CETP: variants seen among roughly 807,000 people sequenced by gnomAD.
CETP encodes BPI fold containing family F.
CETP carries 56 observed loss-of-function variants against 66.5 expected under a neutral mutation model. The ratio of observed to expected loss-of-function variants is 0.84; its 90% CI spans 0.68 to 1.05. The LOEUF (loss-of-function observed/expected upper bound fraction) is 1.05. CETP is among the 50% of genes least tolerant of loss of function. The pLI is 0.00. For missense variants in CETP, 612 were observed against 609.6 expected (o/e 1.00, Z -0.04); for synonymous variants, 251 against 245.7 (o/e 1.02, Z -0.20).
chr16:56,975,617 T>C (rs2056143979), intron 10 of CETP, among the ~76,000 whole-genome samples: 1 of 152,180 alleles, frequency 6.6e-6, no homozygotes, highest in East Asian at 1.9e-4. Context: ...CTATGCCCAG[T>C]GGCAATGATG....
At chr16:56,975,254 TTA>T in intron 10 of CETP, 103 bp downstream of exon 10, 1 of 987,582 alleles carries the variant, frequency 1.0e-6, no homozygotes, top group Non-Finnish European at 1.6e-6. Context: ...ATGGCAACAA[TTA>T]TAACAGCGAA....
chr16:56,978,515 CT>C (rs2056166443), intron 11 of CETP, among the ~76,000 whole-genome samples: 1 of 152,142 alleles, frequency 6.6e-6, no homozygotes, highest in East Asian at 1.9e-4. Context: ...GGGTCTCACT[CT>C]GTCATCCAGG....
At chr16:56,981,456 C>G (rs1216197410) in intron 12 of CETP, among the ~76,000 whole-genome samples, 191 bp from the exon 13 acceptor site, 1 of 152,104 alleles carries the variant, frequency 6.6e-6, no homozygotes, top group Non-Finnish European at 1.5e-5. Context: ...AGGAGGAGAG[C>G]GCTGCCCGAG....
intron 2 of CETP, among the ~76,000 whole-genome samples, chr16:56,965,502 C>T (rs563854547): frequency 2.8e-4 from 42 of 152,202 alleles, no homozygotes; most frequent in Admixed American, 1.2e-3. Context: ...TGGGATGGAC[C>T]CAGGATCAAA....
chr16:56,973,929 G>A (rs193207170), intron 9 of CETP, among the ~76,000 whole-genome samples: 8 of 152,300 alleles, frequency 5.3e-5, no homozygotes, highest in South Asian at 4.1e-4. Flanking sequence ...TGCATGCACC[G>A]GTAATCAGAA....
intron 6 of CETP, 71 bp downstream of exon 6, chr16:56,971,173 C>G: frequency 6.4e-7 from 1 of 1,562,942 alleles, no homozygotes; most frequent in South Asian, 1.1e-5. Context: ...TCCTCCCTGC[C>G]TTTCCCTGAG....
In CETP at chr16:56,979,002, TTTTTAG is replaced by T. The variant is rs1378369238; in HGVS notation, c.1146+749_1146+754del. 2.0e-5 allele frequency among the ~76,000 whole-genome samples: 3 copies of T among 152,004 alleles called. No individual in the cohort carries two copies. The East Asian group carries it at 5.8e-4, about 29-fold the overall frequency. On this transcript the variant is annotated intron_variant, in intron 11 of 15. Transcript: ENST00000200676. The stretch of plus-strand genomic sequence containing the variant: ...TACCACGCCTGACTAATTTTTTGTA[TTTTTAG>T]TAGAGACAGGGTTTCGCTATGTGGG...
rs947349724 is a variant in CETP at position 56,981,573 on chromosome 16, G to C, written c.1215-74G>C. 32 of 1,520,494 alleles carry C rather than the reference G, an allele frequency of 2.1e-5. No individual in the cohort carries two copies. The African/African-American group carries it at 4.0e-4, about 19-fold the overall frequency. 94.2% of individuals were successfully genotyped at this position (1,520,494 alleles called of 1,614,324 possible). ...ACAGAAGCACTGGCTGCTATTCTTA[G>C]AGTTTCTTTCCCAGGGGATGTTACA... On this transcript the variant is annotated intron_variant, in intron 12 of 15. Coordinates refer to ENST00000200676, the MANE Select transcript of CETP (RefSeq NM_000078.3).
chr16:56,972,198 G>A, intron 8 of CETP, 115 bp downstream of exon 8: 1 of 763,150 alleles, frequency 1.3e-6, no homozygotes, highest in South Asian at 1.5e-5. Context: ...AAGAGTCCTG[G>A]GGCGCTCCTC....
intron 1 of CETP, among the ~76,000 whole-genome samples, chr16:56,962,631 C>T (rs998488498): frequency 2.6e-5 from 4 of 152,100 alleles, no homozygotes; most frequent in Admixed American, 1.3e-4. Context: ...AATAGAGTAT[C>T]GCCAAGTTCA....
At chr16:56,964,629 A>C (rs1484069711) in intron 2 of CETP, among the ~76,000 whole-genome samples, 1 of 152,164 alleles carries the variant, frequency 6.6e-6, no homozygotes, top group Non-Finnish European at 1.5e-5. Context: ...GCCCTGCTAA[A>C]CACGCTCCCC....
At position 56,971,031 on chromosome 16, in the gene CETP, A is replaced by G; in HGVS notation, c.528-2A>G. ...GCTCATTGTGGTGCTTGCTGCCTTC[A>G]GGCCTGGGTGGATCAAGCAGCTGTT... is the stretch of plus-strand genomic sequence containing the variant. On this transcript the variant is annotated splice_acceptor_variant, in intron 5 of 15. Coordinates refer to ENST00000200676, the MANE Select transcript of CETP (RefSeq NM_000078.3). LOFTEE classifies it high-confidence loss of function. 6.2e-7 allele frequency: 1 copy of G among 1,614,142 alleles called. No individual in the cohort carries two copies. Among genetic ancestry groups the G allele is most frequent in the Non-Finnish European group, 8.5e-7 (1 of 1,180,010 alleles).
chr16:56,978,533 T>C (rs2056166525), intron 11 of CETP, among the ~76,000 whole-genome samples: 1 of 152,114 alleles, frequency 6.6e-6, no homozygotes, highest in African/African-American at 2.4e-5. Flanking sequence ...CAGGCTGGAG[T>C]GCAGCCTCAC....
chr16:56,973,823 G>A (rs536747767), intron 9 of CETP, among the ~76,000 whole-genome samples: 3 of 152,318 alleles, frequency 2.0e-5, no homozygotes, highest in African/African-American at 4.8e-5. Context: ...CTCCGAGTGA[G>A]CAATTCCTGT....
intron 2 of CETP, among the ~76,000 whole-genome samples, chr16:56,965,920 C>T (rs537344821): frequency 6.6e-6 from 1 of 152,172 alleles, no homozygotes; most frequent in African/African-American, 2.4e-5. Flanking sequence ...CCAGGGCCAA[C>T]GCTTCTCCCA....
At chr16:56,981,096 G>A (rs2056183762) in intron 11 of CETP, 62 bp from the exon 12 acceptor site, 8 of 1,222,526 alleles carry the variant, frequency 6.5e-6, no homozygotes, top group African/African-American at 1.5e-5. Context: ...CCTGAGCTAG[G>A]AGGGTTGCTC....
At position 56,963,144 on chromosome 16, in the gene CETP, T is replaced by C. The variant is rs769411288; in HGVS notation, c.233+20T>C. The stretch of plus-strand genomic sequence containing the variant: ...GCACAAGTGAGTCGGGCCTCGGGTG[T>C]GACCAGGCTGGGGGTAGGGAGGCGG... On this transcript the variant is annotated intron_variant, in intron 2 of 15. Coordinates refer to ENST00000200676, the MANE Select transcript of CETP (RefSeq NM_000078.3). The C allele has an allele frequency of 4.4e-6, 7 of 1,598,594 alleles. No individual in the cohort carries two copies. In the Admixed American group the frequency reaches 1.2e-4, roughly 27 times the overall value.
intron 2 of CETP, among the ~76,000 whole-genome samples, chr16:56,968,030 C>T (rs2056080676): frequency 6.6e-6 from 1 of 151,078 alleles, no homozygotes; most frequent in African/African-American, 2.4e-5. Context: ...GTTTCCTATA[C>T]CAGAAGTCTT....
At chr16:56,980,293 A>C (rs1330419224) in intron 11 of CETP, among the ~76,000 whole-genome samples, 3 of 152,096 alleles carry the variant, frequency 2.0e-5, no homozygotes, top group African/African-American at 7.2e-5. Context: ...GCTGGAGTGC[A>C]GCGGTGATCC....
Sources: allele counts gnomAD v4.1 joint callset (sites outside exome capture counted in the v4.1 genomes callset), GRCh38; gene constraint gnomAD v4.1.1; transcripts MANE v1.5; gene names NCBI Gene and HGNC (gene_info 2026-07-23, HGNC 2026-07-21).